Variants in CDH12 observed in about 807,000 individuals in gnomAD.
CDH12 encodes the protein cadherin 12.
A neutral mutation model predicts 74.1 loss-of-function variants in CDH12; 41 were observed. The ratio of observed to expected loss-of-function variants is 0.55; its 90% CI spans 0.43 to 0.72. The LOEUF (loss-of-function observed/expected upper bound fraction) is 0.72, where lower values mean the gene tolerates loss of function less well. Among genes scored for constraint, CDH12 ranks in the 30% least tolerant of loss-of-function variants. The pLI, the probability that CDH12 is intolerant of heterozygous loss-of-function variation, is 0.00. For synonymous variants in CDH12, 399 were observed against 355.0 expected, an observed-to-expected ratio of 1.12 and a Z score of -1.39; for missense variants, 945 against 977.2, an observed-to-expected ratio of 0.97 and a Z score of 0.44.
chr5:22,675,177 C>T (rs116734416), intron 1 of CDH12, among the ~76,000 whole-genome samples: 2,065 of 152,194 alleles, frequency 0.014, 44 homozygotes, highest in African/African-American at 0.048. Context: ...AACATGGTTT[C>T]GTGGGCCAGG....
At chr5:22,592,040 C>T (rs548405697) in intron 1 of CDH12, among the ~76,000 whole-genome samples, 1 of 152,272 alleles carries the variant, frequency 6.6e-6, no homozygotes, top group Non-Finnish European at 1.5e-5. Flanking sequence ...TTACCATAGT[C>T]ATGCAGTCAA....
intron 1 of CDH12, among the ~76,000 whole-genome samples, chr5:22,689,665 T>G (rs1013715132): frequency 6.6e-6 from 1 of 152,004 alleles, no homozygotes; most frequent in African/African-American, 2.4e-5. Context: ...TAGATGAAGA[T>G]CAAGCTAGAC....
At chr5:22,783,507 A>T (rs1251986263) in intron 1 of CDH12, among the ~76,000 whole-genome samples, 3 of 152,202 alleles carry the variant, frequency 2.0e-5, no homozygotes, top group Admixed American at 1.3e-4. Flanking sequence ...AAATAATATT[A>T]TGAATAAAGG....
intron 1 of CDH12, among the ~76,000 whole-genome samples, chr5:22,804,302 T>C (rs1748674658): frequency 6.6e-6 from 1 of 152,200 alleles, no homozygotes; most frequent in Non-Finnish European, 1.5e-5. Flanking sequence ...CATATATTAA[T>C]AATGTTCCAA....
At chr5:21,932,701 C>A (rs1445851545) in intron 6 of CDH12, among the ~76,000 whole-genome samples, 1 of 151,892 alleles carries the variant, frequency 6.6e-6, no homozygotes. Context: ...GAGATCGAGA[C>A]CATCCTGGCC....
At chr5:22,316,613 T>C (rs993460374) in intron 3 of CDH12, among the ~76,000 whole-genome samples, 49 of 152,162 alleles carry the variant, frequency 3.2e-4, no homozygotes, top group African/African-American at 1.1e-3. Flanking sequence ...AATCTGTAAA[T>C]ATACCTCATG....
chr5:22,649,118 G>A (rs1381051349), intron 1 of CDH12, among the ~76,000 whole-genome samples: 2 of 151,886 alleles, frequency 1.3e-5, no homozygotes, highest in African/African-American at 4.8e-5. Flanking sequence ...AAGGTAGGAG[G>A]GTGAAATGAG....
chr5:22,044,320 A>C lies in CDH12; in HGVS notation c.231+34126T>G, dbSNP rs569704251. ...ACCTAAGACTGGGTAATTTATAAAC[A>C]AAAGAGGTTTAATTAACTCACAGTT... On this transcript the variant is annotated intron_variant, in intron 5 of 14. Coordinates refer to ENST00000382254, the MANE Select transcript of CDH12 (RefSeq NM_004061.5). Among the ~76,000 whole-genome samples the C allele has an allele frequency of 3.3e-5, 5 of 152,312 alleles. No individual in the cohort carries two copies. In the East Asian group the frequency reaches 9.7e-4, roughly 29 times the overall value.
intron 11 of CDH12, among the ~76,000 whole-genome samples, chr5:21,776,949 G>T (rs1345166305): frequency 6.6e-6 from 1 of 151,972 alleles, no homozygotes; most frequent in African/African-American, 2.4e-5. Context: ...TGATAATGAG[G>T]CTGTATTTTT....
chr5:22,115,590 A>G (rs1336689051), intron 4 of CDH12, among the ~76,000 whole-genome samples: 1 of 152,042 alleles, frequency 6.6e-6, no homozygotes, highest in Admixed American at 6.6e-5. Flanking sequence ...ACAAATTGGA[A>G]ATGCAATAAG....
At chr5:22,842,451 A>ATGCAAGAGAGTTTTT (rs1444771751) in intron 1 of CDH12, among the ~76,000 whole-genome samples, 1 of 152,144 alleles carries the variant, frequency 6.6e-6, no homozygotes. Flanking sequence ...ATTAGAGTGT[A>ATGCAAGAGAGTTTTT]TGCAAGAGAG....
At chr5:21,759,256 G>C (rs1212219885) in intron 13 of CDH12, among the ~76,000 whole-genome samples, 3 of 149,586 alleles carry the variant, frequency 2.0e-5, no homozygotes, top group African/African-American at 7.5e-5. Flanking sequence ...TTGTTAAGTG[G>C]CTTTTTTTTT....
At chr5:21,815,055 G>A (rs1188115337) in intron 9 of CDH12, among the ~76,000 whole-genome samples, 1 of 151,930 alleles carries the variant, frequency 6.6e-6, no homozygotes, top group Non-Finnish European at 1.5e-5. Context: ...TTAATTTCTA[G>A]ACTAAGCGTA....
intron 6 of CDH12, among the ~76,000 whole-genome samples, chr5:21,919,193 GATTTT>G (rs1189886425): frequency 1.3e-5 from 2 of 152,108 alleles, no homozygotes; most frequent in African/African-American, 2.4e-5. Flanking sequence ...ATGTAGGGAT[GATTTT>G]ATTTTAAGTG....
chr5:22,218,296 A>C lies in CDH12; in HGVS notation c.-332-5653T>G, dbSNP rs144707472. ...TTTCCATTCAAACAACTAGACACAA[A>C]TGACTGATTAGTCACAATGGCTCCA... On this transcript the variant is annotated intron_variant, in intron 3 of 14. Coordinates refer to ENST00000382254, the MANE Select transcript of CDH12 (RefSeq NM_004061.5). Among the ~76,000 whole-genome samples the C allele has an allele frequency of 8.2e-3, 1,239 of 151,818 alleles. 12 individuals are homozygous for C. The highest frequency in any genetic ancestry group is 0.012 in the Non-Finnish European group (838 of 67,704).
chr5:22,511,933 T>TTGTGTG (rs3039486), intron 1 of CDH12, among the ~76,000 whole-genome samples: 10 of 149,222 alleles, frequency 6.7e-5, no homozygotes, highest in African/African-American at 2.0e-4. Context: ...GTAACTATGA[T>TTGTGTG]TGTGTGTGTG....
chr5:22,350,627 G>A (rs765913087), intron 3 of CDH12, among the ~76,000 whole-genome samples: 1 of 152,094 alleles, frequency 6.6e-6, no homozygotes, highest in African/African-American at 2.4e-5. Context: ...AGAATTAATT[G>A]TATTGATTTT....
rs113227999 is a variant in CDH12 at position 22,377,299 on chromosome 5, T to C, written c.-333+27958A>G. On this transcript the variant is annotated intron_variant, in intron 3 of 14. Transcript: ENST00000382254. ...CAGTGTACGTATTGGTTCAAGAAAATAGAATAGCCATTGACAGCAACAGAG... is the reference window on the plus strand; with the variant it reads ...CAGTGTACGTATTGGTTCAAGAAAACAGAATAGCCATTGACAGCAACAGAG... Among the ~76,000 whole-genome samples, 480 of 152,212 alleles carry C rather than the reference T, an allele frequency of 3.2e-3. 6 individuals carry two copies. Among genetic ancestry groups the C allele is most frequent in the African/African-American group, 0.011 (453 of 41,514 alleles).
intron 3 of CDH12, among the ~76,000 whole-genome samples, chr5:22,293,164 G>A (rs992922211): frequency 6.6e-6 from 1 of 152,086 alleles, no homozygotes; most frequent in African/African-American, 2.4e-5. Flanking sequence ...CCCTACCCCT[G>A]CTCCATTTGA....
Sources: gnomAD v4.1 joint callset for allele counts (sites outside exome capture counted in the v4.1 genomes callset) on GRCh38, gnomAD v4.1.1 for gene constraint, MANE v1.5 for transcripts, NCBI Gene and HGNC (gene_info 2026-07-23, HGNC 2026-07-21) for gene names.